Variants in STXBP5L observed in about 807,000 individuals in gnomAD.
STXBP5L encodes syntaxin-binding protein 5-like.
Under a neutral mutation model 144.5 loss-of-function variants are expected in STXBP5L, and 65 were observed. That is an observed-to-expected ratio of 0.45 (90% confidence interval 0.37 to 0.55). STXBP5L has a LOEUF of 0.55. Ranked by LOEUF, STXBP5L falls within the 20% of genes least tolerant of loss-of-function variation. The pLI is 0.00. For synonymous variants in STXBP5L, 505 were observed against 469.6 expected (o/e 1.08, Z -0.97); for missense variants, 1,298 against 1,405.5 (o/e 0.92, Z 1.22).
intron 3 of STXBP5L, among the ~76,000 whole-genome samples, chr3:121,028,502 A>T (rs886241517): frequency 4.6e-5 from 7 of 152,248 alleles, no homozygotes; most frequent in East Asian, 1.9e-4. Flanking sequence ...AAGTAAAGCT[A>T]TCCACTGCTG....
At chr3:121,413,695 C>G (rs535888931) in intron 24 of STXBP5L, among the ~76,000 whole-genome samples, 1 of 152,146 alleles carries the variant, frequency 6.6e-6, no homozygotes, top group Admixed American at 6.6e-5. Flanking sequence ...CTTGAAGAAA[C>G]CTTGTGATTA....
rs1449835527 is a variant in STXBP5L at position 121,205,910 on chromosome 3, T to A, written c.878-13T>A. The A allele has an allele frequency of 2.2e-6, 3 of 1,363,536 alleles. No individual in the cohort carries two copies. Among genetic ancestry groups the A allele is most frequent in the Non-Finnish European group, 3.0e-6 (3 of 1,006,442 alleles). 84.5% of individuals were successfully genotyped at this position (1,363,536 alleles called of 1,614,324 possible). On this transcript the variant is annotated splice_polypyrimidine_tract_variant and intron_variant, in intron 9 of 26. Transcript: ENST00000471454. Reference sequence around the variant, plus strand: ...ATTTAAATTAGATTCAATTAAATATTTTTTTTCTTTAGGAAAAAGTCAAAG... The same window carrying A: ...ATTTAAATTAGATTCAATTAAATATATTTTTTCTTTAGGAAAAAGTCAAAG...
intron 9 of STXBP5L, among the ~76,000 whole-genome samples, chr3:121,167,034 C>T (rs2108042178): frequency 6.6e-6 from 1 of 152,098 alleles, no homozygotes; most frequent in Middle Eastern, 3.4e-3. Flanking sequence ...CTAGAATTAG[C>T]AGTCTTTTGA....
chr3:121,096,422 G>A (rs533258350), intron 5 of STXBP5L, among the ~76,000 whole-genome samples: 21 of 152,240 alleles, frequency 1.4e-4, no homozygotes, highest in South Asian at 2.1e-4. Flanking sequence ...TGATTCTTTC[G>A]TGGAGAAGAG....
chr3:121,298,321 A>G (rs150845355), intron 19 of STXBP5L, among the ~76,000 whole-genome samples: 12 of 152,346 alleles, frequency 7.9e-5, no homozygotes, highest in Non-Finnish European at 1.8e-4. Context: ...ACGTGACAAT[A>G]AATTCAAAAT....
At chr3:121,256,453 T>C (rs1276965025) in intron 16 of STXBP5L, among the ~76,000 whole-genome samples, 1 of 152,030 alleles carries the variant, frequency 6.6e-6, no homozygotes, top group Non-Finnish European at 1.5e-5. Context: ...AAGTATTTAG[T>C]TTTAAAACTT....
chr3:121,002,952 T>C (rs938200885), intron 3 of STXBP5L, among the ~76,000 whole-genome samples: 1 of 152,238 alleles, frequency 6.6e-6, no homozygotes, highest in Admixed American at 6.5e-5. Context: ...ATCCAGTCTA[T>C]TATTGTTGGA....
At chr3:121,241,327 CAT>C (rs2049656843) in intron 14 of STXBP5L, among the ~76,000 whole-genome samples, 3 of 151,590 alleles carry the variant, frequency 2.0e-5, no homozygotes, top group Admixed American at 2.0e-4. Flanking sequence ...AGACAGAAAA[CAT>C]ATGGAAAATA....
chr3:121,018,544 A>AT (rs1945306659), intron 3 of STXBP5L, among the ~76,000 whole-genome samples: 1 of 148,454 alleles, frequency 6.7e-6, no homozygotes, highest in Non-Finnish European at 1.5e-5. Context: ...AAAAAAAAAA[A>AT]ATGCAGACAC....
chr3:121,238,665 T>C lies in STXBP5L; in HGVS notation c.1185-306T>C, dbSNP rs1048220345. Among the ~76,000 whole-genome samples the C allele has an allele frequency of 2.6e-5, 4 of 152,188 alleles. No individual in the cohort carries two copies. In the East Asian group the frequency reaches 7.7e-4, roughly 29 times the overall value. ...ATGAATTAACTAAGTAAACTTGTTATATAATAGTTTCAGATTAATAGAATT... is the reference window on the plus strand; with the variant it reads ...ATGAATTAACTAAGTAAACTTGTTACATAATAGTTTCAGATTAATAGAATT... On this transcript the variant is annotated intron_variant, in intron 12 of 26. Coordinates refer to ENST00000471454, the MANE Select transcript of STXBP5L (RefSeq NM_001308330.2).
At chr3:121,179,679 A>T (rs911156660) in intron 9 of STXBP5L, among the ~76,000 whole-genome samples, 5 of 152,172 alleles carry the variant, frequency 3.3e-5, no homozygotes, top group Admixed American at 6.5e-5. Flanking sequence ...TAAAGAAATT[A>T]AAAAATATAT....
At chr3:121,050,931 A>C (rs1310648407) in intron 5 of STXBP5L, among the ~76,000 whole-genome samples, 4 of 151,932 alleles carry the variant, frequency 2.6e-5, no homozygotes, top group Non-Finnish European at 5.9e-5. Context: ...CAGGGGTTGC[A>C]ATCCTAGTCT....
intron 8 of STXBP5L, among the ~76,000 whole-genome samples, chr3:121,153,707 C>T (rs2046013912): frequency 1.3e-5 from 2 of 151,768 alleles, no homozygotes; most frequent in Non-Finnish European, 2.9e-5. Flanking sequence ...CAGTCATTCT[C>T]ATAGTGGTAA....
intron 3 of STXBP5L, among the ~76,000 whole-genome samples, chr3:121,016,194 A>G (rs1475135781): frequency 2.0e-5 from 3 of 152,206 alleles, no homozygotes; most frequent in Non-Finnish European, 1.5e-5. Flanking sequence ...TTCAACAAAA[A>G]ATTACAAGGC....
At chr3:121,318,182 G>C (rs542573213) in intron 19 of STXBP5L, among the ~76,000 whole-genome samples, 9 of 151,864 alleles carry the variant, frequency 5.9e-5, no homozygotes, top group Non-Finnish European at 8.8e-5. Context: ...AATAGGCCAG[G>C]CATGGTGGCT....
intron 5 of STXBP5L, among the ~76,000 whole-genome samples, chr3:121,083,148 A>G (rs897913886): frequency 6.6e-6 from 1 of 152,062 alleles, no homozygotes; most frequent in Non-Finnish European, 1.5e-5. Context: ...GCAGTGAGCC[A>G]AGATTTCGCC....
At chr3:121,362,230 A>C (rs1032663253) in intron 20 of STXBP5L, among the ~76,000 whole-genome samples, 1 of 152,238 alleles carries the variant, frequency 6.6e-6, no homozygotes, top group Non-Finnish European at 1.5e-5. Flanking sequence ...GTGATGAGTC[A>C]GACCTAAATT....
chr3:121,046,723 G>T (rs1030484795), intron 5 of STXBP5L, among the ~76,000 whole-genome samples: 1 of 151,866 alleles, frequency 6.6e-6, no homozygotes, highest in African/African-American at 2.4e-5. Flanking sequence ...TGGCATTTAT[G>T]ATTGTTTATT....
At chr3:121,168,935 G>A (rs922078507) in intron 9 of STXBP5L, among the ~76,000 whole-genome samples, 4 of 152,176 alleles carry the variant, frequency 2.6e-5, no homozygotes, top group African/African-American at 7.2e-5. Context: ...AGGGCAGCCA[G>A]GGAGAAAGGT....
Sources: gnomAD v4.1 joint callset for allele counts (sites outside exome capture counted in the v4.1 genomes callset) on GRCh38, gnomAD v4.1.1 for gene constraint, MANE v1.5 for transcripts, NCBI Gene and HGNC (gene_info 2026-07-23, HGNC 2026-07-21) for gene names.